The following LHFPL3 variants were observed in gnomAD, a reference collection of about 807,000 sequenced individuals.
LHFPL3 encodes the protein LHFPL tetraspan subfamily member 3.
A neutral mutation model predicts 19.3 loss-of-function variants in LHFPL3; 5 were observed. That is an observed-to-expected ratio of 0.26 (90% CI 0.14 to 0.54). The LOEUF is 0.54. Among genes scored for constraint, LHFPL3 ranks in the 20% least tolerant of loss-of-function variants. The pLI is 0.94. For missense variants in LHFPL3, 249 were observed against 307.4 expected, an observed-to-expected ratio of 0.81 and a Z score of 1.42; for synonymous variants, 133 against 126.2, an observed-to-expected ratio of 1.05 and a Z score of -0.36.
chr7:104,679,870 G>A (rs56204520), intron 1 of LHFPL3, among the ~76,000 whole-genome samples: 3,223 of 152,286 alleles, frequency 0.021, 33 homozygotes, highest in Middle Eastern at 0.037. Context: ...AGAGCGACAC[G>A]CATAATAGTG....
chr7:104,622,098 C>T (rs1791456137), intron 1 of LHFPL3, among the ~76,000 whole-genome samples: 1 of 152,060 alleles, frequency 6.6e-6, no homozygotes, highest in Admixed American at 6.6e-5. Context: ...TCCCCCCATC[C>T]CACCTTTTCT....
chr7:104,408,083 T>G (rs967919), intron 1 of LHFPL3, among the ~76,000 whole-genome samples: 4,699 of 152,220 alleles, frequency 0.031, 215 homozygotes, highest in East Asian at 0.16. Flanking sequence ...CTTCACACTA[T>G]TTATTGGACT....
intron 2 of LHFPL3, among the ~76,000 whole-genome samples, chr7:104,825,815 A>G (rs1166692605): frequency 6.6e-6 from 1 of 151,910 alleles, no homozygotes; most frequent in Non-Finnish European, 1.5e-5. Flanking sequence ...AGAAGGAAGA[A>G]GAGGGAAGGA....
chr7:104,597,365 G>A (rs1041067197), intron 1 of LHFPL3, among the ~76,000 whole-genome samples: 1 of 152,100 alleles, frequency 6.6e-6, no homozygotes, highest in Non-Finnish European at 1.5e-5. Flanking sequence ...TTAAGATTTA[G>A]TATAACTGAA....
At chr7:104,570,967 C>T (rs541494716) in intron 1 of LHFPL3, among the ~76,000 whole-genome samples, 1 of 152,308 alleles carries the variant, frequency 6.6e-6, no homozygotes, top group East Asian at 1.9e-4. Context: ...TTTGTAAAGA[C>T]TCAGACATTT....
chr7:104,695,948 G>T lies in LHFPL3; in HGVS notation c.446-40727G>T, dbSNP rs533598961. On this transcript the variant is annotated intron_variant, in intron 1 of 2. Coordinates refer to ENST00000424859, the MANE Select transcript of LHFPL3 (RefSeq NM_199000.3). ...TTCTGAGTTGTTGTTTTTTTGTTTT[G>T]TTTTTTGTTGTTGTTTTTTTGAGAA... 1.2e-4 allele frequency among the ~76,000 whole-genome samples: 19 copies of T among 152,082 alleles called. No homozygotes were observed. In the East Asian group the frequency reaches 1.7e-3, roughly 14 times the overall value.
At chr7:104,535,932 C>A (rs1196774546) in intron 1 of LHFPL3, among the ~76,000 whole-genome samples, 1 of 152,212 alleles carries the variant, frequency 6.6e-6, no homozygotes, top group East Asian at 1.9e-4. Flanking sequence ...CCTCAACGAC[C>A]TTTGGGACCA....
At chr7:104,499,162 T>C (rs188034666) in intron 1 of LHFPL3, among the ~76,000 whole-genome samples, 1 of 152,190 alleles carries the variant, frequency 6.6e-6, no homozygotes, top group African/African-American at 2.4e-5. Flanking sequence ...AACTACCTTA[T>C]GAGGAAAAGA....
chr7:104,838,274 G>C (rs1200688774), intron 2 of LHFPL3, among the ~76,000 whole-genome samples: 2 of 152,140 alleles, frequency 1.3e-5, no homozygotes, highest in African/African-American at 4.8e-5. Context: ...GGAGGAAATG[G>C]CTAGTTCTGT....
intron 1 of LHFPL3, among the ~76,000 whole-genome samples, chr7:104,627,700 G>A (rs929188890): frequency 1.3e-5 from 2 of 152,156 alleles, no homozygotes; most frequent in African/African-American, 4.8e-5. Context: ...TGTACTGAAT[G>A]AGTCTCTGTA....
intron 1 of LHFPL3, among the ~76,000 whole-genome samples, chr7:104,589,637 AG>A (rs1790663752): frequency 6.6e-6 from 1 of 152,202 alleles, no homozygotes; most frequent in Non-Finnish European, 1.5e-5. Context: ...AAAATGAGTC[AG>A]GGAGGATTCC....
intron 1 of LHFPL3, among the ~76,000 whole-genome samples, chr7:104,676,143 A>G (rs1433876140): frequency 6.6e-6 from 1 of 152,184 alleles, no homozygotes; most frequent in Non-Finnish European, 1.5e-5. Context: ...GATATGTCAC[A>G]TTTTTGCTTC....
intron 1 of LHFPL3, among the ~76,000 whole-genome samples, chr7:104,372,817 A>G (rs979127083): frequency 2.6e-5 from 4 of 152,158 alleles, no homozygotes; most frequent in African/African-American, 9.7e-5. Context: ...TTGCTGTGTT[A>G]TTCGTTGGTT....
At chr7:104,733,953 A>C (rs1488429083) in intron 1 of LHFPL3, among the ~76,000 whole-genome samples, 1 of 152,108 alleles carries the variant, frequency 6.6e-6, no homozygotes, top group African/African-American at 2.4e-5. Flanking sequence ...CTCGTCTGTA[A>C]AGGATTTTAT....
intron 1 of LHFPL3, among the ~76,000 whole-genome samples, chr7:104,390,177 A>ATTTATTT (rs775308061): frequency 1.3e-4 from 19 of 151,710 alleles, no homozygotes; most frequent in African/African-American, 4.3e-4. Flanking sequence ...TAACAACCCA[A>ATTTATTT]TTTATTTTTT....
chr7:104,385,030 T>G (rs540056374), intron 1 of LHFPL3, among the ~76,000 whole-genome samples: 56 of 152,112 alleles, frequency 3.7e-4, no homozygotes, highest in Admixed American at 7.2e-4. Context: ...GGCCTCACGT[T>G]TTTTATGTGC....
intron 1 of LHFPL3, among the ~76,000 whole-genome samples, chr7:104,338,082 T>C (rs1042436783): frequency 2.7e-4 from 39 of 145,656 alleles, no homozygotes; most frequent in Non-Finnish European, 3.9e-4. Flanking sequence ...GATACCTTTA[T>C]TTTCCTTTTT....
chr7:104,342,421 T>C (rs1789975373), intron 1 of LHFPL3, among the ~76,000 whole-genome samples: 1 of 152,146 alleles, frequency 6.6e-6, no homozygotes, highest in African/African-American at 2.4e-5. Context: ...AAATAATGCT[T>C]CACAAAATCA....
chr7:104,803,199 C>G (rs1277393992), intron 2 of LHFPL3, among the ~76,000 whole-genome samples: 1 of 152,240 alleles, frequency 6.6e-6, no homozygotes. Context: ...TTGACATCCT[C>G]TCTAATTCCT....
Sources: gnomAD v4.1 joint callset for allele counts (sites outside exome capture counted in the v4.1 genomes callset) on GRCh38, gnomAD v4.1.1 for gene constraint, MANE v1.5 for transcripts, NCBI Gene and HGNC (gene_info 2026-07-23, HGNC 2026-07-21) for gene names.